Variants in RGS8 observed in about 807,000 individuals in gnomAD.
RGS8 encodes the protein regulator of G-protein signaling 8.
RGS8 carries 8 observed loss-of-function variants against 21.7 expected under a neutral mutation model. The ratio of observed to expected loss-of-function variants is 0.37; its 90% confidence interval spans 0.22 to 0.66. The LOEUF (loss-of-function observed/expected upper bound fraction) is 0.66. RGS8 is among the 30% of genes least tolerant of loss of function. The pLI, the probability that RGS8 is intolerant of heterozygous loss-of-function variation, is 0.59. For missense variants in RGS8, 157 were observed against 217.9 expected, an observed-to-expected ratio of 0.72 and a Z score of 1.76; for synonymous variants, 80 against 83.6, an observed-to-expected ratio of 0.96 and a Z score of 0.24.
the RGS8 span, among the ~76,000 whole-genome samples, chr1:182,718,959 T>A: frequency 6.6e-6 from 1 of 152,184 alleles, no homozygotes; most frequent in East Asian, 1.9e-4. Flanking sequence ...GTCGAAGGGA[T>A]TCAGAGGTTG....
At chr1:182,690,702 A>G in the RGS8 span, among the ~76,000 whole-genome samples, 1 of 152,200 alleles carries the variant, frequency 6.6e-6, no homozygotes, top group African/African-American at 2.4e-5. Flanking sequence ...TGATTTGATA[A>G]AACCATTACT....
the RGS8 span, among the ~76,000 whole-genome samples, chr1:182,710,089 G>A: frequency 1.3e-4 from 20 of 152,228 alleles, no homozygotes; most frequent in African/African-American, 4.1e-4. Flanking sequence ...TTTTACCAGC[G>A]AAGGATACAG....
At chr1:182,706,944 G>C in the RGS8 span, among the ~76,000 whole-genome samples, 1 of 151,912 alleles carries the variant, frequency 6.6e-6, no homozygotes, top group Non-Finnish European at 1.5e-5. Context: ...GATCACCTGA[G>C]GTCAGGAGTT....
the RGS8 span, among the ~76,000 whole-genome samples, chr1:182,722,839 T>C: frequency 6.6e-6 from 1 of 151,800 alleles, no homozygotes; most frequent in African/African-American, 2.4e-5. Context: ...TTAGCCGGGC[T>C]TGGTTGCGGG....
chr1:182,736,211 C>T, the RGS8 span, among the ~76,000 whole-genome samples: 2 of 152,174 alleles, frequency 1.3e-5, no homozygotes, highest in African/African-American at 4.8e-5. Flanking sequence ...CCACCTTAAA[C>T]CATTTTGCCT....
upstream of RGS8, among the ~76,000 whole-genome samples, chr1:182,688,094 A>C (rs1664745217): frequency 6.6e-6 from 1 of 152,216 alleles, no homozygotes; most frequent in Admixed American, 6.5e-5. Flanking sequence ...TTATTAATTC[A>C]CTTGCCAGTA....
chr1:182,751,451 C>T, the RGS8 span, among the ~76,000 whole-genome samples: 2 of 152,158 alleles, frequency 1.3e-5, no homozygotes, highest in South Asian at 4.2e-4. Context: ...AGACACAGTC[C>T]CTGCACGCGT....
chr1:182,727,312 A>C, the RGS8 span, among the ~76,000 whole-genome samples: 1 of 152,220 alleles, frequency 6.6e-6, no homozygotes, highest in Non-Finnish European at 1.5e-5. Flanking sequence ...GACTGTTGGG[A>C]GAATTAAATG....
At chr1:182,711,129 G>C in the RGS8 span, among the ~76,000 whole-genome samples, 3 of 152,312 alleles carry the variant, frequency 2.0e-5, no homozygotes, top group East Asian at 5.8e-4. Context: ...GTCACTGTCA[G>C]TCAAAAATGC....
At chr1:182,727,578 C>T in the RGS8 span, among the ~76,000 whole-genome samples, 2 of 152,134 alleles carry the variant, frequency 1.3e-5, no homozygotes, top group African/African-American at 4.8e-5. Flanking sequence ...AATTAGATAA[C>T]TAAAAGCCGT....
chr1:182,709,598 A>G, the RGS8 span, among the ~76,000 whole-genome samples: 1 of 152,194 alleles, frequency 6.6e-6, no homozygotes, highest in African/African-American at 2.4e-5. Flanking sequence ...CAAGGAGTGT[A>G]CCAGGTATTG....
At chr1:182,737,625 C>T in the RGS8 span, among the ~76,000 whole-genome samples, 1 of 152,178 alleles carries the variant, frequency 6.6e-6, no homozygotes, top group African/African-American at 2.4e-5. Context: ...TGTGAGGCCT[C>T]CCCAGACATG....
chr1:182,662,955 A>G (rs585526), intron 5 of RGS8, among the ~76,000 whole-genome samples: 2 of 129,044 alleles, frequency 1.5e-5, no homozygotes, highest in Admixed American at 7.1e-5. Flanking sequence ...GAGAATGGGG[A>G]GGGGGGGAAA....
chr1:182,745,659 CA>C, the RGS8 span, among the ~76,000 whole-genome samples: 1 of 152,160 alleles, frequency 6.6e-6, no homozygotes. Flanking sequence ...ATTGTTAAAC[CA>C]TTTGTCATAT....
the RGS8 span, among the ~76,000 whole-genome samples, chr1:182,748,600 A>G: frequency 6.6e-6 from 1 of 152,254 alleles, no homozygotes; most frequent in South Asian, 2.1e-4. Flanking sequence ...ATTGATTTCA[A>G]TTTCTTTGGA....
the RGS8 span, among the ~76,000 whole-genome samples, chr1:182,736,454 C>T: frequency 6.6e-6 from 1 of 152,146 alleles, no homozygotes; most frequent in East Asian, 1.9e-4. Flanking sequence ...CTGGGTCCCA[C>T]ACTAGATTTA....
intron 3 of RGS8, among the ~76,000 whole-genome samples, chr1:182,667,721 C>T (rs189035394): frequency 5.9e-5 from 9 of 152,290 alleles, no homozygotes; most frequent in African/African-American, 2.2e-4. Flanking sequence ...TCCAAAGGAC[C>T]TATATAATGA....
upstream of RGS8, chr1:182,672,842 G>T (rs779974540): frequency 6.2e-7 from 1 of 1,614,120 alleles, no homozygotes; most frequent in Admixed American, 1.7e-5. Context: ...CACACTGCCT[G>T]CTTCAGTTCC....
At chr1:182,725,384 T>C in the RGS8 span, among the ~76,000 whole-genome samples, 1 of 152,256 alleles carries the variant, frequency 6.6e-6, no homozygotes, top group African/African-American at 2.4e-5. Flanking sequence ...CAACTTCCTG[T>C]GGACTCAGAC....
Sources: allele counts gnomAD v4.1 joint callset (sites outside exome capture counted in the v4.1 genomes callset), GRCh38; gene constraint gnomAD v4.1.1; transcripts MANE v1.5; gene names NCBI Gene and HGNC (gene_info 2026-07-23, HGNC 2026-07-21).